GAL3ST4: variants seen among roughly 807,000 people sequenced by gnomAD.
The protein encoded by GAL3ST4 is galactose-3-O-sulfotransferase 4.
Under a neutral mutation model 31.6 loss-of-function variants are expected in GAL3ST4, and 30 were observed. That is an observed-to-expected ratio of 0.95 (90% CI 0.71 to 1.29). The LOEUF (loss-of-function observed/expected upper bound fraction) is 1.29, where lower values mean the gene tolerates loss of function less well. Among genes scored for constraint, GAL3ST4 ranks in the 50% most tolerant of loss-of-function variants. The pLI is 0.00. For missense variants in GAL3ST4, 629 were observed against 625.2 expected (o/e 1.01, Z -0.06); for synonymous variants, 248 against 256.9 (o/e 0.97, Z 0.33).
chr7:100,165,398 T>G (rs1799056533), intron 3 of GAL3ST4, among the ~76,000 whole-genome samples: 1 of 152,180 alleles, frequency 6.6e-6, no homozygotes, highest in Non-Finnish European at 1.5e-5. Flanking sequence ...CTCGAACTTC[T>G]GACCTCAGGT....
At chr7:100,165,817 T>TCACACACACA (rs1491177370) in intron 3 of GAL3ST4, among the ~76,000 whole-genome samples, 53 of 55,274 alleles carry the variant, frequency 9.6e-4, no homozygotes, top group Middle Eastern at 0.011. Context: ...TGAGACCCTG[T>TCACACACACA]CTCACACACA....
intron 3 of GAL3ST4, among the ~76,000 whole-genome samples, chr7:100,165,819 T>TCTCACACACACACACA (rs769054157): frequency 4.4e-5 from 6 of 136,372 alleles, no homozygotes; most frequent in South Asian, 2.4e-4. Context: ...AGACCCTGTC[T>TCTCACACACACACACA]CACACACACA....
chr7:100,164,276 C>T (rs910566166), intron 3 of GAL3ST4, among the ~76,000 whole-genome samples: 3 of 152,162 alleles, frequency 2.0e-5, no homozygotes, highest in African/African-American at 4.8e-5. Context: ...CACACACACA[C>T]GTGCACCCCA....
At position 100,160,159 on chromosome 7, in the gene GAL3ST4, C is replaced by A. The variant is rs1331207439; in HGVS notation, c.1230G>T (p.Gly410=). 6.2e-7 allele frequency: 1 copy of A among 1,613,842 alleles called. No homozygotes were observed. The highest frequency in any genetic ancestry group is 1.3e-5 in the African/African-American group (1 of 74,920). ...REALAKHCLV[G]GEASDPKYIT... ...TGTATTTGGGGTCAGAAGCCTCACC[C>A]CCTACCAGACAATGTTTCGCTAGGG... Residue 410 remains glycine (G), a synonymous_variant, in exon 4 of 4, where the codon GGG becomes GGT. Transcript: ENST00000360039.
At chr7:100,162,786 TAACA>T (rs1382408298) in intron 3 of GAL3ST4, among the ~76,000 whole-genome samples, 1 of 143,034 alleles carries the variant, frequency 7.0e-6, no homozygotes, top group African/African-American at 2.7e-5. Flanking sequence ...TATACCTGTG[TAACA>T]AACCTGCATA....
At position 100,167,074 on chromosome 7, in the gene GAL3ST4, TG is replaced by T. The variant is rs1247040852; in HGVS notation, c.21del (p.Arg8GlyfsTer19). 1.9e-6 allele frequency: 3 copies of T among 1,555,672 alleles called. No homozygotes were observed. Among genetic ancestry groups the T allele is most frequent in the Non-Finnish European group, 2.6e-6 (3 of 1,149,016 alleles). MGPLSP[A>X]RTLRLWGPRS... ...CGAGGTCCCCAGAGCCGCAGCGTCCTGGCAGGAGAGAGAGGGCCCATGTGGC... is the reference window on the plus strand; with the variant it reads ...CGAGGTCCCCAGAGCCGCAGCGTCCTGCAGGAGAGAGAGGGCCCATGTGGC... On this transcript the variant is annotated frameshift_variant, in exon 2 of 4. Transcript: ENST00000360039. LOFTEE classifies it high-confidence loss of function.
chr7:100,166,688 A>C lies in GAL3ST4; in HGVS notation c.243T>G (p.Ser81=). The change falls in exon 3 of 4, where the codon TCT becomes TCG. Residue 81 remains serine, a synonymous_variant. Coordinates refer to ENST00000360039, the MANE Select transcript of GAL3ST4 (RefSeq NM_024637.5). ...CATAGCGGTGAAGCAGGCTCAGCAC[A>C]GAGCTGCTCCCGGATTTATGTGTCT... ...FLKTHKSGSS[S]VLSLLHRYGD... The C allele has an allele frequency of 3.7e-6, 6 of 1,614,230 alleles. No homozygotes were observed. Among genetic ancestry groups the C allele is most frequent in the Non-Finnish European group, 5.1e-6 (6 of 1,180,028 alleles).
chr7:100,162,369 A>C (rs1292005125), intron 3 of GAL3ST4, among the ~76,000 whole-genome samples: 1 of 151,118 alleles, frequency 6.6e-6, no homozygotes, highest in Non-Finnish European at 1.5e-5. Context: ...AGATGGTGAA[A>C]CCACATCTCT....
Position 100,166,597 on chromosome 7 carries a change from G to A in GAL3ST4, c.334C>T (p.Gln112Ter). The change falls in exon 3 of 4, where the codon CAG becomes TAG. Residue 112 changes from glutamine to a stop codon, truncating the protein, a stop_gained. Coordinates refer to ENST00000360039, the MANE Select transcript of GAL3ST4 (RefSeq NM_024637.5). LOFTEE classifies it high-confidence loss of function. ...CGGTAGCCTTTTACCCTAGAGGCCT[G>A]GAAGAGCTTTGGGTAGCCAAACTGG... The part of the protein sequence containing the change: ...RYQFGYPKLF[Q>*]ASRVKGYRPQ... The A allele has an allele frequency of 6.2e-7, 1 of 1,614,232 alleles. No individual in the cohort carries two copies. Among genetic ancestry groups the A allele is most frequent in the Non-Finnish European group, 8.5e-7 (1 of 1,180,036 alleles).
In GAL3ST4 at chr7:100,166,805, C is replaced by A; in HGVS notation, c.126G>T (p.Arg42Ser). 1.9e-6 allele frequency: 3 copies of A among 1,598,596 alleles called. No individual in the cohort carries two copies. Among genetic ancestry groups the A allele is most frequent in the Non-Finnish European group, 2.6e-6 (3 of 1,172,588 alleles). The change falls in exon 3 of 4, where the codon AGG becomes AGT. Residue 42 changes from arginine to serine, a missense_variant and splice_region_variant. By Grantham distance (110) the Arg-to-Ser change is moderately radical. Coordinates refer to ENST00000360039, the MANE Select transcript of GAL3ST4 (RefSeq NM_024637.5). Reference sequence around the variant, plus strand: ...GCTGTCGGAGCTGTAGCCCAGGTAGCCTGGGAAGAGATGGAGGGGGAGTGT... The same window carrying A: ...GCTGTCGGAGCTGTAGCCCAGGTAGACTGGGAAGAGATGGAGGGGGAGTGT... ...LQLLGGPFQR[R>S]LPGLQLRQPS...
intron 2 of GAL3ST4, 59 bp downstream of exon 2, chr7:100,166,912 G>A: frequency 6.4e-7 from 1 of 1,571,792 alleles, no homozygotes; most frequent in Admixed American, 1.9e-5. Flanking sequence ...GCCCCAGGTG[G>A]GATGGGGAAG....
In GAL3ST4 at chr7:100,166,949, T is replaced by G. The variant is rs78756658; in HGVS notation, c.125+22A>C. 5 of 1,590,014 alleles carry G rather than the reference T, an allele frequency of 3.1e-6. No individual in the cohort carries two copies. The South Asian group carries it at 5.7e-5, about 18-fold the overall frequency. Reference sequence around the variant, plus strand: ...GCAAGTACGGGGCGTCTAGAAGGAGTTGGGGCAAAGTGGGAACTCACCTCC... The same window carrying G: ...GCAAGTACGGGGCGTCTAGAAGGAGGTGGGGCAAAGTGGGAACTCACCTCC... On this transcript the variant is annotated intron_variant, in intron 2 of 3. Coordinates refer to ENST00000360039, the MANE Select transcript of GAL3ST4 (RefSeq NM_024637.5).
Position 100,160,343 on chromosome 7 carries a change from G to C in GAL3ST4, c.1046C>G (p.Thr349Ser), listed in dbSNP as rs1176428947. 5 of 1,613,992 alleles carry C rather than the reference G, an allele frequency of 3.1e-6. No individual in the cohort carries two copies. The highest frequency in any genetic ancestry group is 4.2e-6 in the Non-Finnish European group (5 of 1,179,980). ...TGCAGTCAGCTGCCGGTCCTCCGCA[G>C]TCAGTCCACTGTTGCTGACAGTGCT... is the stretch of plus-strand genomic sequence containing the variant. Reference protein sequence around the residue: ...GLSTVSNSGLTAEDRQLTARA... With the variant: ...GLSTVSNSGLSAEDRQLTARA... The change falls in exon 4 of 4, where the codon ACT becomes AGT. Residue 349 changes from threonine (T) to serine (S), a missense_variant. Physicochemically the swap from Thr to Ser is moderately conservative, Grantham distance 58 (BLOSUM62 1). Coordinates refer to ENST00000360039, the MANE Select transcript of GAL3ST4 (RefSeq NM_024637.5).
rs755921188 is a variant in GAL3ST4 at position 100,167,065 on chromosome 7, G to T, written c.31C>A (p.Arg11=). 6.4e-7 allele frequency: 1 copy of T among 1,557,002 alleles called. No homozygotes were observed. Among genetic ancestry groups the T allele is most frequent in the Non-Finnish European group, 8.7e-7 (1 of 1,149,672 alleles). Residue 11 remains arginine, a synonymous_variant, in exon 2 of 4, where the codon CGG becomes AGG. Transcript: ENST00000360039. The part of the protein sequence containing the change: MGPLSPARTL[R]LWGPRSLGVA... ...CCCAGGCTCCGAGGTCCCCAGAGCC[G>T]CAGCGTCCTGGCAGGAGAGAGAGGG...
Position 100,160,870 on chromosome 7 carries a change from T to G in GAL3ST4, c.519A>C (p.Lys173Asn). The G allele has an allele frequency of 6.2e-7, 1 of 1,613,976 alleles. No individual in the cohort carries two copies. Among genetic ancestry groups the G allele is most frequent in the Non-Finnish European group, 8.5e-7 (1 of 1,179,986 alleles). Residue 173 changes from lysine to asparagine, a missense_variant, in exon 4 of 4, where the codon AAA becomes AAC. Physicochemically the swap from Lys to Asn is moderately conservative, Grantham distance 94. Transcript: ENST00000360039. ...ALARSAFSYY[K>N]STSSAFRKSP... ...ACTTGCGGAAGGCTGATGAGGTGGA[T>G]TTATAGTAGGAGAAGGCAGAGCGAG...
At position 100,168,039 on chromosome 7, in the gene GAL3ST4, CAGAGAGAG is replaced by C. The variant is rs150040950; in HGVS notation, c.-189+499_-189+506del. On this transcript the variant is annotated intron_variant, in intron 1 of 3. Transcript: ENST00000360039. This position sits in a 1 kb window ranked among gnomAD's most constrained non-coding sequence, Gnocchi z 4.1. The stretch of plus-strand genomic sequence containing the variant: ...ACACACACACACACACACAGAGAAA[CAGAGAGAG>C]AGAGACAGAGGGACAGAGAGACTAT... The C allele has an allele frequency of 6.7e-6, 1 of 150,092 alleles. No homozygotes were observed. Among genetic ancestry groups the C allele is most frequent in the Non-Finnish European group, 1.5e-5 (1 of 67,500 alleles). 9.3% of individuals were successfully genotyped at this position (150,092 alleles called of 1,614,324 possible).
Position 100,160,700 on chromosome 7 carries a change from T to A in GAL3ST4, c.689A>T (p.His230Leu), listed in dbSNP as rs770433938. ...TGGGGGGTTGGGGTCTCTGGGGGGA[T>A]GAATATTCCCTCTCTTGGCCCTCTT... ...PEKRAKRGNI[H>L]PPRDPNPPQL... is the part of the protein sequence containing the mutation. Residue 230 changes from histidine (H) to leucine (L), a missense_variant, in exon 4 of 4, where the codon CAT (histidine) becomes CTT (leucine). By Grantham distance (99) the His-to-Leu change is moderately conservative (BLOSUM62 -3). Transcript: ENST00000360039. The A allele has an allele frequency of 4.1e-5, 66 of 1,613,632 alleles. No homozygotes were observed. The East Asian group carries it at 1.3e-3, about 33-fold the overall frequency.
In GAL3ST4 at chr7:100,160,116, G is replaced by T. The variant is rs200159207; in HGVS notation, c.1273C>A (p.Arg425Ser). The change falls in exon 4 of 4, where the codon CGC becomes AGC. Residue 425 changes from arginine to serine, a missense_variant. By Grantham distance (110) the Arg-to-Ser change is moderately radical. Transcript: ENST00000360039. ...TTAGCTGACCCAAACTGGAAGGGGC[G>T]GAACCGGCGATCAGTGATGTATTTG... ...DPKYITDRRFRPFQFGSAKVL... is the reference protein window; with the variant it reads ...DPKYITDRRFSPFQFGSAKVL... 6 of 1,613,918 alleles carry T rather than the reference G, an allele frequency of 3.7e-6. No individual in the cohort carries two copies. The highest frequency in any genetic ancestry group is 1.7e-5 in the Admixed American group (1 of 59,972).
intron 3 of GAL3ST4, among the ~76,000 whole-genome samples, chr7:100,162,962 C>T (rs976477866): frequency 2.6e-5 from 4 of 152,114 alleles, no homozygotes. Flanking sequence ...CATTAATTTC[C>T]TCGGGCATTT....
Sources: gnomAD v4.1 joint callset for allele counts (sites outside exome capture counted in the v4.1 genomes callset) on GRCh38, gnomAD v4.1.1 for gene constraint, Gnocchi (gnomAD v3.1) non-coding constraint, MANE v1.5 for transcripts, NCBI Gene and HGNC (gene_info 2026-07-23, HGNC 2026-07-21) for gene names.